The following ZNF74 variants were observed in gnomAD, a reference collection of about 807,000 sequenced individuals.
ZNF74 encodes zinc finger protein 74, also known as zinc finger protein 520.
A neutral mutation model predicts 17.7 loss-of-function variants in ZNF74; 12 were observed. That is an observed-to-expected ratio of 0.68 (90% CI 0.43 to 1.10). The LOEUF is 1.10. ZNF74 is among the 50% of genes least tolerant of loss of function. The pLI is 0.00. For missense variants in ZNF74, 811 were observed against 881.0 expected (o/e 0.92, Z 1.01); for synonymous variants, 358 against 362.1 (o/e 0.99, Z 0.13).
At chr22:20,400,531 G>T in intron 2 of ZNF74, 101 bp from the exon 3 acceptor site, 1 of 1,457,760 alleles carries the variant, frequency 6.9e-7, no homozygotes, top group Non-Finnish European at 9.6e-7. Context: ...AAGGTCACCT[G>T]AGGTTAACCC....
At chr22:20,402,117 G>T (rs73879346) in intron 4 of ZNF74, among the ~76,000 whole-genome samples, 2 of 152,146 alleles carry the variant, frequency 1.3e-5, no homozygotes, top group Non-Finnish European at 2.9e-5. Context: ...CATGTTAGGT[G>T]TCTAGAAAGC....
chr22:20,396,287 G>T (rs991130700), intron 2 of ZNF74, among the ~76,000 whole-genome samples: 7 of 151,922 alleles, frequency 4.6e-5, no homozygotes, highest in African/African-American at 1.5e-4. Context: ...CACTTCTGTA[G>T]TGTGTCACAA....
intron 2 of ZNF74, chr22:20,400,322 T>C (rs1255867103): frequency 6.2e-6 from 2 of 320,830 alleles, no homozygotes; most frequent in Non-Finnish European, 1.2e-5. Context: ...ACCCAGGACT[T>C]AGAGCCTGAT....
rs770945746 is a variant in ZNF74, at chr22:20,406,336, C to G, written c.1303C>G (p.Gln435Glu). The change falls in exon 5 of 5, where the codon CAG (glutamine) becomes GAG (glutamate). Residue 435 changes from glutamine to glutamate, a missense_variant. Around this residue, in one of 3 missense-constraint regions of ZNF74, gnomAD observed 666 missense variants for 702.3 expected, o/e 0.95. Coordinates refer to ENST00000400451, the MANE Select transcript of ZNF74 (RefSeq NM_003426.4). ...FNSRSRLTLH[Q>E]RTHTGEKPFK... is the part of the protein sequence containing the mutation. ...CAGCCGCTCGCGCCTCACCCTCCACCAGAGGACGCACACGGGCGAGAAGCC... is the reference window on the plus strand; with the variant it reads ...CAGCCGCTCGCGCCTCACCCTCCACGAGAGGACGCACACGGGCGAGAAGCC... The G allele has an allele frequency of 6.2e-7, 1 of 1,612,960 alleles. No individual in the cohort carries two copies. Among genetic ancestry groups the G allele is most frequent in the South Asian group, 1.1e-5 (1 of 91,060 alleles).
At position 20,400,668 on chromosome 22, in the gene ZNF74, A is replaced by G; in HGVS notation, c.157A>G (p.Thr53Ala). Reference protein sequence around the residue: ...VSFKDVAVDFTQEEWGQLDSP... With the variant: ...VSFKDVAVDFAQEEWGQLDSP... ...TTTCAAGGATGTGGCTGTGGACTTCACCCAGGAGGAGTGGGGTCAACTAGA... is the reference window on the plus strand; with the variant it reads ...TTTCAAGGATGTGGCTGTGGACTTCGCCCAGGAGGAGTGGGGTCAACTAGA... The change falls in exon 3 of 5, where the codon ACC (threonine) becomes GCC (alanine). Residue 53 changes from threonine (T) to alanine (A), a missense_variant. By Grantham distance (58) the Thr-to-Ala change is moderately conservative (BLOSUM62 0). Transcript: ENST00000400451. The G allele has an allele frequency of 6.2e-7, 1 of 1,614,056 alleles. No individual in the cohort carries two copies. Among genetic ancestry groups the G allele is most frequent in the South Asian group, 1.1e-5 (1 of 91,080 alleles).
chr22:20,405,932 G>A lies in ZNF74; in HGVS notation c.899G>A (p.Gly300Asp), dbSNP rs773470743. The A allele has an allele frequency of 2.5e-6, 4 of 1,613,824 alleles. No individual in the cohort carries two copies. Among genetic ancestry groups the A allele is most frequent in the Non-Finnish European group, 3.4e-6 (4 of 1,179,954 alleles). Residue 300 changes from glycine (G) to aspartate (D), a missense_variant, in exon 5 of 5, where the codon GGC becomes GAC. Gly to Asp is a moderately conservative substitution (Grantham distance 94, BLOSUM62 -1). This residue lies in a region of ZNF74 where 666 missense variants were observed against 702.3 expected (regional missense o/e 0.95). Transcript: ENST00000400451. ...CTGGAGCACCGGCGCATCCACACCGGCGAGAAGCCCTTCTTCTGCGGCGAG... is the reference window on the plus strand; with the variant it reads ...CTGGAGCACCGGCGCATCCACACCGACGAGAAGCCCTTCTTCTGCGGCGAG... The part of the protein sequence containing the change: ...NLLEHRRIHT[G>D]EKPFFCGECG...
chr22:20,405,311 T>A, intron 4 of ZNF74, 66 bp from the exon 5 acceptor site: 1 of 1,505,916 alleles, frequency 6.6e-7, no homozygotes. Flanking sequence ...CCAGGCCAAT[T>A]CTCAAATCTG....
rs1477200290 is a variant in ZNF74 at position 20,408,270 on chromosome 22, C to T, written c.*1302C>T. 1 of 152,204 alleles carries T rather than the reference C, an allele frequency of 6.6e-6. No homozygotes were observed. The highest frequency in any genetic ancestry group is 2.4e-5 in the African/African-American group (1 of 41,460). The allele number at this position is 152,204 out of a possible 1,614,324, so 9.4% of individuals were successfully genotyped here. On this transcript the variant is annotated 3_prime_UTR_variant, in exon 5 of 5. Transcript: ENST00000400451. Reference sequence around the variant, plus strand: ...TAATCTTGAATGAATGTTATTTCTACTTAGTCCTAAGCAAGAATAAGCTGC... The same window carrying T: ...TAATCTTGAATGAATGTTATTTCTATTTAGTCCTAAGCAAGAATAAGCTGC...
intron 4 of ZNF74, 136 bp from the exon 5 acceptor site, chr22:20,405,241 T>G (rs1009731479): frequency 1.1e-6 from 1 of 912,662 alleles, no homozygotes; most frequent in Non-Finnish European, 1.7e-6. Context: ...TCTCTCTGCC[T>G]GCACCTTCCA....
chr22:20,400,399 C>T (rs4546090), intron 2 of ZNF74: 158,171 of 529,446 alleles, frequency 0.3, 26,464 homozygotes, highest in African/African-American at 0.52. Flanking sequence ...TCTATTCAGA[C>T]CTGCTTTCCC....
chr22:20,398,638 A>G (rs868030972), intron 2 of ZNF74, among the ~76,000 whole-genome samples: 41 of 152,176 alleles, frequency 2.7e-4, no homozygotes, highest in African/African-American at 9.4e-4. Context: ...TCAAAAAACA[A>G]TTTTTTTGTT....
rs369020153 is a variant in ZNF74, at chr22:20,401,290, C to T, written c.261C>T (p.His87=). 18 of 1,611,236 alleles carry T rather than the reference C, an allele frequency of 1.1e-5. No homozygotes were observed. The highest frequency in any genetic ancestry group is 1.4e-5 in the Non-Finnish European group (17 of 1,178,684). Reference sequence around the variant, plus strand: ...CTCCACGAGCAGGACCTCCACTGCACAAGCCAGATGTGATCTCTCATCTGG... The same window carrying T: ...CTCCACGAGCAGGACCTCCACTGCATAAGCCAGATGTGATCTCTCATCTGG... ...QNLLALGPPL[H]KPDVISHLER... is the part of the protein sequence containing the mutation. Residue 87 remains histidine (H), a synonymous_variant, in exon 4 of 5, where the codon CAC becomes CAT. Transcript: ENST00000400451. This position sits in a 1 kb window ranked among gnomAD's most constrained non-coding sequence, Gnocchi z 4.2.
chr22:20,394,617 G>T lies in ZNF74; in HGVS notation c.-12G>T, dbSNP rs559673418. On this transcript the variant is annotated 5_prime_UTR_variant, in exon 1 of 5. Transcript: ENST00000400451. Reference sequence around the variant, plus strand: ...GCTGCCCACTCCTCCTGGGGAGGCTGCCGTGGAGGCCATGGAGATCCCTGC... The same window carrying T: ...GCTGCCCACTCCTCCTGGGGAGGCTTCCGTGGAGGCCATGGAGATCCCTGC... 91 of 1,614,158 alleles carry T rather than the reference G, an allele frequency of 5.6e-5. 1 individual carries two copies. The highest frequency in any genetic ancestry group is 5.2e-4 in the South Asian group (47 of 91,090).
chr22:20,404,711 C>T lies in ZNF74; in HGVS notation c.344-666C>T, dbSNP rs117025585. ...CTTCTGAAAAGGTTTGCATGCGTCT[C>T]GAGACAGAGAAAGCATTTGCAATTC... On this transcript the variant is annotated intron_variant, in intron 4 of 4. Coordinates refer to ENST00000400451, the MANE Select transcript of ZNF74 (RefSeq NM_003426.4). Among the ~76,000 whole-genome samples, 18 of 152,274 alleles carry T rather than the reference C, an allele frequency of 1.2e-4. No individual in the cohort carries two copies. In the East Asian group the frequency reaches 3.5e-3, roughly 29 times the overall value.
At chr22:20,395,541 C>A in intron 2 of ZNF74, 123 bp downstream of exon 2, 1 of 679,094 alleles carries the variant, frequency 1.5e-6, no homozygotes, top group Non-Finnish European at 2.5e-6. Context: ...TCAGGAAGCT[C>A]TGGGCAGTGG....
At position 20,401,287 on chromosome 22, in the gene ZNF74, G is replaced by A. The variant is rs1211362438; in HGVS notation, c.258G>A (p.Leu86=). 1.2e-6 allele frequency: 2 copies of A among 1,610,804 alleles called. No homozygotes were observed. The highest frequency in any genetic ancestry group is 1.7e-5 in the Admixed American group (1 of 59,780). Residue 86 remains leucine, a synonymous_variant, in exon 4 of 5, where the codon CTG becomes CTA. Coordinates refer to ENST00000400451, the MANE Select transcript of ZNF74 (RefSeq NM_003426.4). The surrounding 1 kb of genome is among the most constrained non-coding windows in gnomAD (Gnocchi z 4.2). ...TCTCTCCACGAGCAGGACCTCCACT[G>A]CACAAGCCAGATGTGATCTCTCATC... The part of the protein sequence containing the change: ...YQNLLALGPP[L]HKPDVISHLE...
Position 20,394,592 on chromosome 22 carries a change from G to A in ZNF74, c.-37G>A. The A allele has an allele frequency of 6.2e-7, 1 of 1,613,176 alleles. No homozygotes were observed. Among genetic ancestry groups the A allele is most frequent in the Non-Finnish European group, 8.5e-7 (1 of 1,179,180 alleles). The stretch of plus-strand genomic sequence containing the variant: ...TGCCCTGGATCCTGGAGGCTACACA[G>A]CTGCCCACTCCTCCTGGGGAGGCTG... On this transcript the variant is annotated 5_prime_UTR_variant, in exon 1 of 5. Transcript: ENST00000400451.
In ZNF74 at chr22:20,406,960, C is replaced by T; in HGVS notation, c.1927C>T (p.Arg643Ter). The T allele has an allele frequency of 1.2e-6, 2 of 1,611,434 alleles. No individual in the cohort carries two copies. The highest frequency in any genetic ancestry group is 8.5e-7 in the Non-Finnish European group (1 of 1,178,814). Residue 643 changes from arginine to a stop codon, truncating the protein, a stop_gained, in exon 5 of 5, where the codon CGA becomes TGA. Transcript: ENST00000400451. LOFTEE classifies it high-confidence loss of function. ...GAATTTCTCCCTGGGGAGCAAACCTCGAAACTAACATGATGTGCTTTGGTG... is the reference window on the plus strand; with the variant it reads ...GAATTTCTCCCTGGGGAGCAAACCTTGAAACTAACATGATGTGCTTTGGTG... ...GRNFSLGSKP[R>*]N is the part of the protein sequence containing the mutation.
chr22:20,405,261 C>T lies in ZNF74; in HGVS notation c.344-116C>T, dbSNP rs541225357. On this transcript the variant is annotated intron_variant, in intron 4 of 4. Coordinates refer to ENST00000400451, the MANE Select transcript of ZNF74 (RefSeq NM_003426.4). Reference sequence around the variant, plus strand: ...CTGCCTGCACCTTCCAGCCTTGGCCCTGGTGGCCTCTCCTCTCTTTTCTGG... The same window carrying T: ...CTGCCTGCACCTTCCAGCCTTGGCCTTGGTGGCCTCTCCTCTCTTTTCTGG... 24 of 1,147,882 alleles carry T rather than the reference C, an allele frequency of 2.1e-5. No individual in the cohort carries two copies. The African/African-American group carries it at 3.3e-4, about 16-fold the overall frequency. The allele number at this position is 1,147,882 out of a possible 1,614,324, so 71.1% of individuals were successfully genotyped here.
Sources: gnomAD v4.1 joint callset for allele counts (sites outside exome capture counted in the v4.1 genomes callset) on GRCh38, gnomAD v4.1.1 for gene constraint, gnomAD v4.1.1 regional missense constraint, Gnocchi (gnomAD v3.1) non-coding constraint, MANE v1.5 for transcripts, NCBI Gene and HGNC (gene_info 2026-07-23, HGNC 2026-07-21) for gene names.